Variants in ST3GAL4 observed in about 807,000 individuals in gnomAD.
ST3GAL4 encodes CMP-N-acetylneuraminate-beta-galactosamide-alpha-2,3-sialyltransferase 4.
ST3GAL4 carries 24 observed loss-of-function variants against 42.6 expected under a neutral mutation model. The observed-to-expected ratio is 0.56, with a 90% CI of 0.41 to 0.79. The LOEUF (loss-of-function observed/expected upper bound fraction) is 0.79. Ranked by LOEUF, ST3GAL4 falls within the 30% of genes least tolerant of loss-of-function variation. ST3GAL4 has a pLI of 0.00. For missense variants in ST3GAL4, 311 were observed against 430.8 expected, an observed-to-expected ratio of 0.72 and a Z score of 2.46; for synonymous variants, 135 against 163.2, an observed-to-expected ratio of 0.83 and a Z score of 1.32.
Position 126,386,891 on chromosome 11 carries a change from AC to A in ST3GAL4, c.-60-19204del, listed in dbSNP as rs1953245618. Among the ~76,000 whole-genome samples the A allele has an allele frequency of 6.6e-6, 1 of 152,058 alleles. No homozygotes were observed. Among genetic ancestry groups the A allele is most frequent in the Non-Finnish European group, 1.5e-5 (1 of 68,006 alleles). On this transcript the variant is annotated intron_variant, in intron 1 of 10. Transcript: ENST00000444328. The surrounding 1 kb of genome is among the most constrained non-coding windows in gnomAD (Gnocchi z 4.7). ...ACTTTCCTGTAAATTAGGAACGGTA[AC>A]ACACACACCCCTCCCCCACCCCGCT...
At chr11:126,404,358 T>A (rs774577601) in intron 1 of ST3GAL4, among the ~76,000 whole-genome samples, 1 of 152,222 alleles carries the variant, frequency 6.6e-6, no homozygotes, top group African/African-American at 2.4e-5. Context: ...CAACCTGATA[T>A]GCATTCAGTA....
rs1952427253 is a variant in ST3GAL4, at chr11:126,366,392, G to C, written c.-61+10550G>C. Among the ~76,000 whole-genome samples, 1 of 152,166 alleles carries C rather than the reference G, an allele frequency of 6.6e-6. No individual in the cohort carries two copies. Among genetic ancestry groups the C allele is most frequent in the Non-Finnish European group, 1.5e-5 (1 of 68,020 alleles). On this transcript the variant is annotated intron_variant, in intron 1 of 10. Coordinates refer to ENST00000444328, the MANE Select transcript of ST3GAL4 (RefSeq NM_001254757.2). This position sits in a 1 kb window ranked among gnomAD's most constrained non-coding sequence, Gnocchi z 4.2. ...AGAGGAGGAGGACTGAGAGCTGGGT[G>C]TGTGTGTGCGCATGCCTGTGTCTGT...
intron 1 of ST3GAL4, among the ~76,000 whole-genome samples, chr11:126,404,260 T>C (rs577005215): frequency 6.6e-6 from 1 of 152,332 alleles, no homozygotes; most frequent in African/African-American, 2.4e-5. Context: ...GATCTGGCCT[T>C]TTTTGAGCAG....
intron 1 of ST3GAL4, among the ~76,000 whole-genome samples, chr11:126,377,255 C>T (rs1275522543): frequency 6.6e-6 from 1 of 151,988 alleles, no homozygotes; most frequent in East Asian, 1.9e-4. Context: ...ACTGTAAACT[C>T]CACCTCCCAG....
intron 1 of ST3GAL4, among the ~76,000 whole-genome samples, chr11:126,365,434 A>T (rs1952389529): frequency 6.6e-6 from 1 of 152,146 alleles, no homozygotes; most frequent in African/African-American, 2.4e-5. Flanking sequence ...GAGTTCAGGC[A>T]CTTGGCATGA....
intron 1 of ST3GAL4, among the ~76,000 whole-genome samples, chr11:126,368,799 C>T (rs1011942934): frequency 6.6e-6 from 1 of 152,242 alleles, no homozygotes; most frequent in Non-Finnish European, 1.5e-5. Flanking sequence ...CCTTTGCACG[C>T]TCAGATCTTT....
intron 1 of ST3GAL4, among the ~76,000 whole-genome samples, chr11:126,377,479 C>CT (rs59029262): frequency 0.16 from 19,031 of 117,606 alleles, 1,847 homozygotes; most frequent in East Asian, 0.35. Context: ...CCAACACCTT[C>CT]TTTTTTTTTT....
Position 126,406,182 on chromosome 11 carries a change from T to C in ST3GAL4, c.16+11T>C. 6.4e-7 allele frequency: 1 copy of C among 1,557,256 alleles called. No homozygotes were observed. The highest frequency in any genetic ancestry group is 8.7e-7 in the Non-Finnish European group (1 of 1,150,486). On this transcript the variant is annotated intron_variant, in intron 2 of 10. Transcript: ENST00000444328. The surrounding 1 kb of genome is among the most constrained non-coding windows in gnomAD (Gnocchi z 5.4). ...TGGTCAGCAAGTCCCGTGAGTGTCA[T>C]CCGAGGGCTCCCCCACCCTGGAGGA... is the stretch of plus-strand genomic sequence containing the variant.
chr11:126,363,442 A>G lies in ST3GAL4; in HGVS notation c.-61+7600A>G, dbSNP rs115072723. Among the ~76,000 whole-genome samples, 2,529 of 152,066 alleles carry G rather than the reference A, an allele frequency of 0.017. 68 individuals carry two copies. Among genetic ancestry groups the G allele is most frequent in the African/African-American group, 0.055 (2,260 of 41,452 alleles). On this transcript the variant is annotated intron_variant, in intron 1 of 10. Transcript: ENST00000444328. The surrounding 1 kb of genome is among the most constrained non-coding windows in gnomAD (Gnocchi z 4.6). ...TGGGTTGGGTTGCCTGGAGGCCGGG[A>G]ATGTTCAGGAGAGCCTTCATTGGGA...
intron 5 of ST3GAL4, 48 bp from the exon 6 acceptor site, chr11:126,407,526 C>T: frequency 6.2e-7 from 1 of 1,611,620 alleles, no homozygotes; most frequent in Non-Finnish European, 8.5e-7. Context: ...AGGCAGCCTT[C>T]AGAATGCTAT....
rs1008429248 is a variant in ST3GAL4, at chr11:126,392,233, T to C, written c.-60-13863T>C. The C allele has an allele frequency of 1.7e-5, 14 of 836,750 alleles. No homozygotes were observed. The highest frequency in any genetic ancestry group is 2.0e-5 in the Non-Finnish European group (14 of 694,072). 51.8% of individuals were successfully genotyped at this position (836,750 alleles called of 1,614,324 possible). On this transcript the variant is annotated intron_variant, in intron 1 of 10. Coordinates refer to ENST00000444328, the MANE Select transcript of ST3GAL4 (RefSeq NM_001254757.2). The surrounding 1 kb of genome is among the most constrained non-coding windows in gnomAD (Gnocchi z 5.8). ...CAGGTTGACCCCCGTTAGGAGGAAG[T>C]AAGTAGGAAGGAAGGAGATTTCCTG... is the stretch of plus-strand genomic sequence containing the variant.
At chr11:126,374,107 C>A (rs1489598214) in intron 1 of ST3GAL4, among the ~76,000 whole-genome samples, 2 of 151,770 alleles carry the variant, frequency 1.3e-5, no homozygotes, top group Non-Finnish European at 2.9e-5. Flanking sequence ...AGGGGGCCTG[C>A]AGTGTTGGGT....
intron 1 of ST3GAL4, among the ~76,000 whole-genome samples, chr11:126,381,296 T>TC (rs1321065798): frequency 6.6e-6 from 1 of 152,130 alleles, no homozygotes; most frequent in Non-Finnish European, 1.5e-5. Flanking sequence ...GTGTAGGGGT[T>TC]CCCTGCCTGG....
intron 9 of ST3GAL4, 197 bp from the exon 10 acceptor site, chr11:126,413,308 A>G: frequency 1.8e-6 from 1 of 544,350 alleles, no homozygotes; most frequent in Non-Finnish European, 3.1e-6. Flanking sequence ...TAATTAATTA[A>G]AATTTAATAA....
chr11:126,388,099 A>C (rs1428224906), intron 1 of ST3GAL4, among the ~76,000 whole-genome samples: 1 of 152,216 alleles, frequency 6.6e-6, no homozygotes, highest in Non-Finnish European at 1.5e-5. Flanking sequence ...AACTTTGTAG[A>C]ATAAAGTTCT....
rs556861558 is a variant in ST3GAL4 at position 126,359,433 on chromosome 11, C to T, written c.-61+3591C>T. Among the ~76,000 whole-genome samples, 34 of 152,280 alleles carry T rather than the reference C, an allele frequency of 2.2e-4. No homozygotes were observed. Among genetic ancestry groups the T allele is most frequent in the Admixed American group, 1.6e-3 (24 of 15,292 alleles). On this transcript the variant is annotated intron_variant, in intron 1 of 10. Coordinates refer to ENST00000444328, the MANE Select transcript of ST3GAL4 (RefSeq NM_001254757.2). This position sits in a 1 kb window ranked among gnomAD's most constrained non-coding sequence, Gnocchi z 4.8. ...GTTACTTGGCCAAGGTCATACAGCT[C>T]GTAAGCAGCTGAGCTAGGACTCAAA...
At chr11:126,362,057 C>T (rs952440414) in intron 1 of ST3GAL4, among the ~76,000 whole-genome samples, 5 of 150,692 alleles carry the variant, frequency 3.3e-5, no homozygotes, top group East Asian at 4.0e-4. Flanking sequence ...AATTTTTGTA[C>T]TTTTAGTAGA....
intron 1 of ST3GAL4, among the ~76,000 whole-genome samples, chr11:126,368,614 G>A (rs182829668): frequency 2.5e-3 from 385 of 152,300 alleles, no homozygotes; most frequent in Non-Finnish European, 4.5e-3. Flanking sequence ...CAGCTGTGCC[G>A]GAATTAGGAA....
intron 1 of ST3GAL4, among the ~76,000 whole-genome samples, chr11:126,402,642 T>C (rs1207375641): frequency 6.6e-6 from 1 of 152,138 alleles, no homozygotes; most frequent in African/African-American, 2.4e-5. Flanking sequence ...CATCATACTG[T>C]GCCCCTGGGG....
Sources: gnomAD v4.1 joint callset for allele counts (sites outside exome capture counted in the v4.1 genomes callset) on GRCh38, gnomAD v4.1.1 for gene constraint, Gnocchi (gnomAD v3.1) non-coding constraint, MANE v1.5 for transcripts, NCBI Gene and HGNC (gene_info 2026-07-23, HGNC 2026-07-21) for gene names.